The following ABCC11 variants were observed in gnomAD, a reference collection of about 807,000 sequenced individuals.
ABCC11 encodes the protein ATP-binding cassette sub-family C member 11.
Under a neutral mutation model 149.3 loss-of-function variants are expected in ABCC11, and 135 were observed. The observed-to-expected ratio is 0.90, with a 90% CI of 0.79 to 1.04. ABCC11 has a LOEUF of 1.04. Ranked by LOEUF, ABCC11 falls within the 50% of genes least tolerant of loss-of-function variation. The pLI is 0.00. For missense variants in ABCC11, 1,680 were observed against 1,722.1 expected, an observed-to-expected ratio of 0.98 and a Z score of 0.43; for synonymous variants, 665 against 671.4, an observed-to-expected ratio of 0.99 and a Z score of 0.15.
intron 14 of ABCC11, among the ~76,000 whole-genome samples, chr16:48,202,320 A>C (rs967922986): frequency 6.6e-6 from 1 of 152,196 alleles, no homozygotes; most frequent in African/African-American, 2.4e-5. Context: ...CTTTAAAAGA[A>C]GAAGAATAGG....
At chr16:48,197,841 T>C in intron 17 of ABCC11, 130 bp downstream of exon 17, 2 of 943,908 alleles carry the variant, frequency 2.1e-6, no homozygotes, top group East Asian at 5.1e-5. Flanking sequence ...GGAACCTGTG[T>C]ATGTAAATGC....
Position 48,216,216 on chromosome 16 carries a change from G to A in ABCC11, c.849C>T (p.Ile283=). The A allele has an allele frequency of 1.2e-6, 2 of 1,613,980 alleles. No homozygotes were observed. The highest frequency in any genetic ancestry group is 1.7e-6 in the Non-Finnish European group (2 of 1,179,852). ...EGVCYGPLVL[I]TCASLVICSI... ...TGCAGATGACCAGCGATGCGCAGGT[G>A]ATCAGTACTAGGGGTCCATAGCACA... The change falls in exon 7 of 30, where the codon ATC becomes ATT. Residue 283 remains isoleucine (I), a synonymous_variant. Coordinates refer to ENST00000356608, the MANE Select transcript of ABCC11 (RefSeq NM_001370497.1).
Position 48,175,313 on chromosome 16 carries a change from G to A in ABCC11, c.3643C>T (p.Arg1215Trp), listed in dbSNP as rs867492856. The A allele has an allele frequency of 9.9e-6, 16 of 1,613,896 alleles. No homozygotes were observed. The highest frequency in any genetic ancestry group is 4.0e-5 in the African/African-American group (3 of 74,926). Residue 1215 changes from arginine (R) to tryptophan (W), a missense_variant, in exon 26 of 30, where the codon CGG (arginine) becomes TGG (tryptophan). Transcript: ENST00000356608. ...DICSIGLEDL[R>W]SKLSVIPQDP... Reference sequence around the variant, plus strand: ...TGAGGGATCACTGAGAGCTTGGACCGCAAGTCCTCCAGGCCGATGCTGCAA... The same window carrying A: ...TGAGGGATCACTGAGAGCTTGGACCACAAGTCCTCCAGGCCGATGCTGCAA...
Position 48,230,444 on chromosome 16 carries a change from T to C in ABCC11, c.229A>G (p.Lys77Glu), listed in dbSNP as rs1003451140. Residue 77 changes from lysine (K) to glutamate (E), a missense_variant, in exon 3 of 30, where the codon AAG (lysine) becomes GAG (glutamate). By Grantham distance (56) the Lys-to-Glu change is moderately conservative. Transcript: ENST00000356608. ...ACCCCCATCAGGACTCACCTCGGCT[T>C]GGGACGGAAGGGAATCATGGTTCTC... ...ALRTMIPFRPKPRFPAPQPLD... is the reference protein window; with the variant it reads ...ALRTMIPFRPEPRFPAPQPLD... 5.0e-6 allele frequency: 8 copies of C among 1,606,382 alleles called. No homozygotes were observed. Among genetic ancestry groups the C allele is most frequent in the Non-Finnish European group, 6.8e-6 (8 of 1,176,710 alleles).
At chr16:48,202,426 C>A (rs1968067161) in intron 14 of ABCC11, among the ~76,000 whole-genome samples, 2 of 152,084 alleles carry the variant, frequency 1.3e-5, no homozygotes, top group Admixed American at 6.6e-5. Flanking sequence ...GCTTGGCTAA[C>A]ATGACGAAAC....
chr16:48,195,886 C>A (rs1480923572), intron 18 of ABCC11, among the ~76,000 whole-genome samples: 1 of 152,080 alleles, frequency 6.6e-6, no homozygotes, highest in Non-Finnish European at 1.5e-5. Flanking sequence ...GAGGCAGGGG[C>A]ACTTTGGGAG....
chr16:48,240,806 A>C (rs1970929237), intron 1 of ABCC11, among the ~76,000 whole-genome samples: 1 of 152,156 alleles, frequency 6.6e-6, no homozygotes, highest in African/African-American at 2.4e-5. Context: ...ATACTTACTA[A>C]TTACAAAGAG....
intron 4 of ABCC11, among the ~76,000 whole-genome samples, chr16:48,226,256 T>G (rs927116535): frequency 1.3e-5 from 2 of 148,418 alleles, no homozygotes; most frequent in Non-Finnish European, 3.0e-5. Context: ...GACCATGAAA[T>G]AAATTTATGA....
At chr16:48,214,226 C>T (rs1969154807) in intron 9 of ABCC11, among the ~76,000 whole-genome samples, 2 of 151,972 alleles carry the variant, frequency 1.3e-5, no homozygotes, top group Non-Finnish European at 2.9e-5. Flanking sequence ...CCTCAAGTAC[C>T]TCTGAAAGTA....
chr16:48,218,138 A>G (rs1327949108), intron 6 of ABCC11, among the ~76,000 whole-genome samples: 1 of 152,136 alleles, frequency 6.6e-6, no homozygotes, highest in African/African-American at 2.4e-5. Flanking sequence ...CTCTAAAAAA[A>G]ATTAAAAATT....
chr16:48,192,260 G>A (rs561608500), intron 20 of ABCC11, among the ~76,000 whole-genome samples: 6 of 152,106 alleles, frequency 3.9e-5, no homozygotes, highest in Admixed American at 2.0e-4. Context: ...CTTGGGCAAC[G>A]TGGTGAAACC....
At chr16:48,214,176 T>C (rs145302075) in intron 9 of ABCC11, among the ~76,000 whole-genome samples, 1 of 152,184 alleles carries the variant, frequency 6.6e-6, no homozygotes, top group African/African-American at 2.4e-5. Flanking sequence ...GGAGCAGGAA[T>C]GCCTTCGTCT....
chr16:48,176,770 G>A (rs1229311728), intron 25 of ABCC11, among the ~76,000 whole-genome samples, 154 bp downstream of exon 25: 1 of 152,116 alleles, frequency 6.6e-6, no homozygotes, highest in South Asian at 2.1e-4. Context: ...CTTGGGTTTC[G>A]CTCACCAGTG....
At chr16:48,231,028 T>C (rs1970386345) in intron 2 of ABCC11, among the ~76,000 whole-genome samples, 1 of 152,066 alleles carries the variant, frequency 6.6e-6, no homozygotes, top group South Asian at 2.1e-4. Context: ...ATATTCTATA[T>C]AAAATAATAC....
chr16:48,208,648 A>T (rs1968652658), intron 11 of ABCC11, 152 bp from the exon 12 acceptor site: 2 of 791,956 alleles, frequency 2.5e-6, no homozygotes, highest in South Asian at 3.6e-5. Flanking sequence ...GGCAAAGCTC[A>T]AGAGGAGCTT....
chr16:48,171,016 G>T, intron 26 of ABCC11, 49 bp from the exon 27 acceptor site: 2 of 1,472,338 alleles, frequency 1.4e-6, no homozygotes, highest in South Asian at 2.3e-5. Flanking sequence ...CCCAGGCTTT[G>T]AACACTCATT....
chr16:48,188,725 C>A (rs868766582), intron 20 of ABCC11, among the ~76,000 whole-genome samples: 16 of 152,318 alleles, frequency 1.1e-4, no homozygotes, highest in Admixed American at 4.6e-4. Flanking sequence ...TCCAATTAGG[C>A]CTTCTGAGGC....
intron 18 of ABCC11, among the ~76,000 whole-genome samples, chr16:48,195,079 C>G (rs931056171): frequency 2.8e-4 from 42 of 152,162 alleles, no homozygotes; most frequent in African/African-American, 9.9e-4. Context: ...TCACATGTCC[C>G]GTGCCCACAG....
intron 27 of ABCC11, among the ~76,000 whole-genome samples, chr16:48,170,491 G>T (rs1965645787): frequency 6.6e-6 from 1 of 152,126 alleles, no homozygotes; most frequent in African/African-American, 2.4e-5. Flanking sequence ...TGTTTAAAGA[G>T]ACCTTGCCTG....
Sources: gnomAD v4.1 joint callset for allele counts (sites outside exome capture counted in the v4.1 genomes callset) on GRCh38, gnomAD v4.1.1 for gene constraint, MANE v1.5 for transcripts, NCBI Gene and HGNC (gene_info 2026-07-23, HGNC 2026-07-21) for gene names.